Variants in ADAMTS20 observed in about 807,000 individuals in gnomAD.
ADAMTS20 encodes the protein ADAM metallopeptidase with thrombospondin type 1 motif 20, also known as A disintegrin and metalloproteinase with thrombospondin motifs 20.
In ADAMTS20, 225 loss-of-function variants were observed where a neutral mutation model predicts 260.1. That is an observed-to-expected ratio of 0.87 (90% confidence interval 0.78 to 0.97). The LOEUF is 0.97. ADAMTS20 is among the 50% of genes least tolerant of loss of function. The pLI is 0.00. For missense variants in ADAMTS20, 2,400 were observed against 2,337.7 expected (o/e 1.03, Z -0.55); for synonymous variants, 802 against 769.5 (o/e 1.04, Z -0.70).
chr12:43,498,763 T>C (rs1447431472), intron 4 of ADAMTS20, among the ~76,000 whole-genome samples: 2 of 152,140 alleles, frequency 1.3e-5, no homozygotes, highest in Admixed American at 1.3e-4. Context: ...CGCTACACAG[T>C]GTGATCAACA....
At chr12:43,484,492 A>G (rs982675943) in intron 7 of ADAMTS20, among the ~76,000 whole-genome samples, 4 of 152,178 alleles carry the variant, frequency 2.6e-5, no homozygotes, top group South Asian at 2.1e-4. Context: ...AACAATCAGA[A>G]CTTCTGGAAA....
intron 11 of ADAMTS20, among the ~76,000 whole-genome samples, chr12:43,454,850 T>C (rs1040144265): frequency 1.3e-5 from 2 of 152,258 alleles, no homozygotes; most frequent in African/African-American, 4.8e-5. Flanking sequence ...AGAAATTTTA[T>C]GTCTAAGTAA....
At chr12:43,524,150 C>T (rs117920245) in intron 3 of ADAMTS20, among the ~76,000 whole-genome samples, 3,255 of 27,316 alleles carry the variant, frequency 0.12, 58 homozygotes, top group East Asian at 0.51. Flanking sequence ...ATTACCTTGG[C>T]TAATCAGGAG....
rs1003788393 is a variant in ADAMTS20, at chr12:43,492,432, TAAG to T, written c.1076+70_1076+72del. ...ACAAAAACAAAACAAAAAAAAGAAT[TAAG>T]AAGAAGTATCAGTCATGCAGGAGGG... On this transcript the variant is annotated intron_variant, in intron 6 of 38. Coordinates refer to ENST00000389420, the MANE Select transcript of ADAMTS20 (RefSeq NM_025003.5). The T allele has an allele frequency of 2.8e-5, 41 of 1,465,882 alleles. No individual in the cohort carries two copies. The Middle Eastern group carries it at 1.1e-3, about 39-fold the overall frequency. 90.8% of individuals were successfully genotyped at this position (1,465,882 alleles called of 1,614,324 possible).
At chr12:43,421,698 A>G (rs1025722871) in intron 28 of ADAMTS20, among the ~76,000 whole-genome samples, 1 of 152,018 alleles carries the variant, frequency 6.6e-6, no homozygotes, top group African/African-American at 2.4e-5. Flanking sequence ...ATTGTTTATA[A>G]TATATAAAGA....
intron 7 of ADAMTS20, among the ~76,000 whole-genome samples, chr12:43,472,671 G>A (rs912488818): frequency 1.9e-4 from 27 of 140,236 alleles, no homozygotes; most frequent in African/African-American, 6.3e-4. Flanking sequence ...AAGAGAGTGG[G>A]GGCCAATATT....
chr12:43,432,254 T>C, intron 21 of ADAMTS20, 50 bp downstream of exon 21: 1 of 1,558,994 alleles, frequency 6.4e-7, no homozygotes, highest in Non-Finnish European at 8.7e-7. Context: ...ATTACAAAGC[T>C]TTACTAACAC....
intron 11 of ADAMTS20, among the ~76,000 whole-genome samples, chr12:43,456,709 C>T (rs1220499998): frequency 6.6e-6 from 1 of 152,098 alleles, no homozygotes; most frequent in South Asian, 2.1e-4. Flanking sequence ...ACAGATAGAC[C>T]CTACTGCTGT....
At chr12:43,403,373 G>A (rs1940849937) in intron 28 of ADAMTS20, among the ~76,000 whole-genome samples, 1 of 151,994 alleles carries the variant, frequency 6.6e-6, no homozygotes. Flanking sequence ...TCAGTTGTAG[G>A]AAATGGAAGC....
chr12:43,365,539 CA>C (rs1207991202), intron 37 of ADAMTS20, among the ~76,000 whole-genome samples: 1 of 151,850 alleles, frequency 6.6e-6, no homozygotes, highest in Non-Finnish European at 1.5e-5. Flanking sequence ...GGAAATGACA[CA>C]AGACGATAAG....
rs750742310 is a variant in ADAMTS20, at chr12:43,440,080, A to C, written c.2291-11T>G. 6.5e-7 allele frequency: 1 copy of C among 1,543,380 alleles called. No homozygotes were observed. The highest frequency in any genetic ancestry group is 2.0e-5 in the Admixed American group (1 of 50,766). On this transcript the variant is annotated splice_polypyrimidine_tract_variant and intron_variant, in intron 16 of 38. Coordinates refer to ENST00000389420, the MANE Select transcript of ADAMTS20 (RefSeq NM_025003.5). The stretch of plus-strand genomic sequence containing the variant: ...CAGCGTCAGATAATGCTGTAAAAGA[A>C]TAAAGCATAACTCATGAAATAGTAA...
At position 43,493,091 on chromosome 12, in the gene ADAMTS20, T is replaced by C. The variant is rs1942628359; in HGVS notation, c.951+79A>G. The C allele has an allele frequency of 3.2e-6, 3 of 932,030 alleles. No homozygotes were observed. In the Admixed American group the frequency reaches 8.4e-5, roughly 26 times the overall value. The allele number at this position is 932,030 out of a possible 1,614,324, so 57.7% of individuals were successfully genotyped here. ...AATTTTAAAAATATCTCATTTCTAA[T>C]AAGAGTTCCATAATCTCTACGTATT... is the stretch of plus-strand genomic sequence containing the variant. On this transcript the variant is annotated intron_variant, in intron 5 of 38. Transcript: ENST00000389420.
At chr12:43,469,620 C>T (rs1425064684) in intron 7 of ADAMTS20, among the ~76,000 whole-genome samples, 2 of 151,526 alleles carry the variant, frequency 1.3e-5, no homozygotes, top group Non-Finnish European at 2.9e-5. Flanking sequence ...CTTCCTTTCA[C>T]AAAAAAAAGA....
chr12:43,492,829 A>G (rs1942623934), intron 5 of ADAMTS20, among the ~76,000 whole-genome samples, 200 bp from the exon 6 acceptor site: 1 of 152,180 alleles, frequency 6.6e-6, no homozygotes, highest in South Asian at 2.1e-4. Flanking sequence ...ATCTAATTAG[A>G]TCTTCTTAAT....
intron 7 of ADAMTS20, among the ~76,000 whole-genome samples, chr12:43,483,710 GGC>G: frequency 6.6e-6 from 1 of 152,134 alleles, no homozygotes; most frequent in Non-Finnish European, 1.5e-5. Flanking sequence ...GAGTCACGGT[GGC>G]TCCTTCTCTT....
At chr12:43,520,731 T>C (rs1045654837) in intron 3 of ADAMTS20, among the ~76,000 whole-genome samples, 1 of 152,158 alleles carries the variant, frequency 6.6e-6, no homozygotes, top group Admixed American at 6.6e-5. Context: ...CATTAACAAG[T>C]TATAGTACAC....
rs58435633 is a variant in ADAMTS20, at chr12:43,514,560, C to CAA, written c.614-12157_614-12156dup. ...CCGGTGACAGAGTGAGACTCTATCT[C>CAA]AAAAAAAAAAAAAAAAAAAAAAAAA... On this transcript the variant is annotated intron_variant, in intron 3 of 38. Transcript: ENST00000389420. Among the ~76,000 whole-genome samples the CAA allele has an allele frequency of 1.3e-4, 8 of 63,692 alleles. 1 individual carries two copies. Among genetic ancestry groups the CAA allele is most frequent in the Admixed American group, 3.8e-4 (2 of 5,252 alleles). The allele number at this position is 63,692 out of a possible 152,430, so 41.8% of individuals were successfully genotyped here. A position where few individuals can be genotyped will look rare whatever the true frequency, so the allele number is the denominator to read the frequency against.
At chr12:43,379,905 G>A (rs11182044) in intron 31 of ADAMTS20, among the ~76,000 whole-genome samples, 2 of 151,774 alleles carry the variant, frequency 1.3e-5, no homozygotes, top group Non-Finnish European at 2.9e-5. Context: ...TCTGCCAAAA[G>A]TATTCCACAG....
chr12:43,388,244 G>A (rs562528309), intron 29 of ADAMTS20, among the ~76,000 whole-genome samples: 1 of 152,270 alleles, frequency 6.6e-6, no homozygotes, highest in African/African-American at 2.4e-5. Context: ...CGTCCCTCAA[G>A]GCACAGTCCC....
Sources: allele counts gnomAD v4.1 joint callset (sites outside exome capture counted in the v4.1 genomes callset), GRCh38; gene constraint gnomAD v4.1.1; transcripts MANE v1.5; gene names NCBI Gene and HGNC (gene_info 2026-07-23, HGNC 2026-07-21).